The following NPFFR1 variants were observed in gnomAD, a reference collection of about 807,000 sequenced individuals.
NPFFR1 encodes G-protein coupled receptor 147.
Under a neutral mutation model 12.7 loss-of-function variants are expected in NPFFR1, and 17 were observed. That is an observed-to-expected ratio of 1.34 (90% CI 0.92 to 2.01). The LOEUF (loss-of-function observed/expected upper bound fraction) is 2.01. Ranked by LOEUF, NPFFR1 falls within the 30% of genes most tolerant of loss-of-function variation. The probability of loss-of-function intolerance (pLI) is 0.00; values close to 1 mark genes in which losing one functional copy is unlikely to be tolerated. For synonymous variants in NPFFR1, 296 were observed against 264.5 expected (o/e 1.12, Z -1.16); for missense variants, 604 against 606.5 (o/e 1.00, Z 0.04).
chr10:70,254,954 C>A lies in NPFFR1; in HGVS notation c.*3G>T. The A allele has an allele frequency of 7.0e-7, 1 of 1,426,814 alleles. No homozygotes were observed. Among genetic ancestry groups the A allele is most frequent in the Admixed American group, 3.0e-5 (1 of 33,728 alleles). The allele number at this position is 1,426,814 out of a possible 1,614,324, so 88.4% of individuals were successfully genotyped here. A position where few individuals can be genotyped will look rare whatever the true frequency, so the allele number is the denominator to read the frequency against. On this transcript the variant is annotated 3_prime_UTR_variant, in exon 4 of 4. Transcript: ENST00000277942. ...GGCAGCGTCCCGCCCTCCCTGGACC[C>A]CCTCAGATATCCCAGGCTGGAATGG... is the stretch of plus-strand genomic sequence containing the variant.
rs747717469 is a variant in NPFFR1 at position 70,266,387 on chromosome 10, C to T, written c.12G>A (p.Glu4=). The change falls in exon 2 of 4, where the codon GAG becomes GAA. Residue 4 remains glutamate (E), a synonymous_variant. Transcript: ENST00000277942. ...AACTGCTGTTGGGAGGCTGGGAGGG[C>T]TCCCCTAGGACCAAAGGAATATATT... MEG[E]PSQPPNSSWP... 1.2e-6 allele frequency: 2 copies of T among 1,611,160 alleles called. No individual in the cohort carries two copies. The highest frequency in any genetic ancestry group is 1.7e-6 in the Non-Finnish European group (2 of 1,178,492).
intron 1 of NPFFR1, among the ~76,000 whole-genome samples, chr10:70,282,430 G>T (rs1247644173): frequency 6.6e-6 from 1 of 152,174 alleles, no homozygotes; most frequent in Non-Finnish European, 1.5e-5. Context: ...CAATCTTCCA[G>T]ATTCCTCTTG....
chr10:70,279,965 T>A (rs1840843117), intron 1 of NPFFR1, among the ~76,000 whole-genome samples: 1 of 152,226 alleles, frequency 6.6e-6, no homozygotes, highest in Non-Finnish European at 1.5e-5. Flanking sequence ...AATATATAAG[T>A]GAGAACATGT....
In NPFFR1 at chr10:70,283,822, C is replaced by T; in HGVS notation, c.-146G>A. 1 of 837,846 alleles carries T rather than the reference C, an allele frequency of 1.2e-6. No homozygotes were observed. The highest frequency in any genetic ancestry group is 2.8e-5 in the East Asian group (1 of 35,680). 51.9% of individuals were successfully genotyped at this position (837,846 alleles called of 1,614,324 possible). ...GCTCCGCAGGTCCGGTCGGTCCGGG[C>T]AGAGGTGAGCAGGGGGCGTGCGCTC... On this transcript the variant is annotated 5_prime_UTR_variant, in exon 1 of 4. Coordinates refer to ENST00000277942, the MANE Select transcript of NPFFR1 (RefSeq NM_022146.5).
chr10:70,257,038 A>G (rs1230885009), intron 3 of NPFFR1, among the ~76,000 whole-genome samples: 1 of 152,202 alleles, frequency 6.6e-6, no homozygotes, highest in Non-Finnish European at 1.5e-5. Flanking sequence ...AGGCCAAGGC[A>G]GGAGGATCAC....
intron 1 of NPFFR1, among the ~76,000 whole-genome samples, chr10:70,273,502 G>C (rs1000943948): frequency 6.6e-6 from 1 of 152,186 alleles, no homozygotes; most frequent in Non-Finnish European, 1.5e-5. Context: ...CTCCCAAAAA[G>C]AGCCCTGGAT....
At chr10:70,270,489 A>G (rs113102529) in intron 1 of NPFFR1, among the ~76,000 whole-genome samples, 45 of 152,286 alleles carry the variant, frequency 3.0e-4, no homozygotes, top group African/African-American at 1.0e-3. Context: ...CATTTCCCCC[A>G]CTATCCTTCA....
intron 3 of NPFFR1, among the ~76,000 whole-genome samples, chr10:70,256,216 C>A (rs555730158): frequency 6.6e-6 from 1 of 152,126 alleles, no homozygotes; most frequent in African/African-American, 2.4e-5. Context: ...GTAGCTGGAA[C>A]CACAGGAATG....
At chr10:70,283,600 C>T in intron 1 of NPFFR1, 70 bp downstream of exon 1, 1 of 1,434,870 alleles carries the variant, frequency 7.0e-7, no homozygotes, top group Non-Finnish European at 9.5e-7. Context: ...GCCCTCTCCT[C>T]TCCCTTCGCC....
In NPFFR1 at chr10:70,266,322, G is replaced by A. The variant is rs577304377; in HGVS notation, c.77C>T (p.Pro26Leu). Residue 26 changes from proline (P) to leucine (L), a missense_variant, in exon 2 of 4, where the codon CCG becomes CTG. By Grantham distance (98) the Pro-to-Leu change is moderately conservative. Transcript: ENST00000277942. ...SQNGTNTEAT[P>L]ATNLTFSSYY... ...GGAGGAGAAGGTGAGGTTTGTAGCC[G>A]GGGTGGCCTCAGTGTTAGTCCCATT... 5.1e-5 allele frequency: 83 copies of A among 1,613,542 alleles called. No individual in the cohort carries two copies. The highest frequency in any genetic ancestry group is 6.2e-5 in the Non-Finnish European group (73 of 1,179,772).
rs1365163078 is a variant in NPFFR1 at position 70,252,885 on chromosome 10, G to A, written c.*2072C>T. ...TACTTGGGGAGGCTATGCTAAAGGA[G>A]AAACACACCCCAGAGGAGACACCAG... On this transcript the variant is annotated 3_prime_UTR_variant, in exon 4 of 4. Transcript: ENST00000277942. The A allele has an allele frequency of 2.0e-5, 3 of 152,082 alleles. No homozygotes were observed. The highest frequency in any genetic ancestry group is 7.2e-5 in the African/African-American group (3 of 41,390). The allele number at this position is 152,082 out of a possible 1,614,324, so 9.4% of individuals were successfully genotyped here.
chr10:70,283,144 G>GTA (rs1840879371), intron 1 of NPFFR1, among the ~76,000 whole-genome samples: 1 of 151,800 alleles, frequency 6.6e-6, no homozygotes, highest in Admixed American at 6.6e-5. Flanking sequence ...GTGTGTGTGT[G>GTA]TGTGTGTGTC....
rs991503438 is a variant in NPFFR1 at position 70,251,339 on chromosome 10, C to T, written c.*3618G>A. On this transcript the variant is annotated 3_prime_UTR_variant, in exon 4 of 4. Coordinates refer to ENST00000277942, the MANE Select transcript of NPFFR1 (RefSeq NM_022146.5). ...ATCTTCCTTTGCCAACTTCGCCCTCCATTCCAATGCAGATCAGCTCATGAG... is the reference window on the plus strand; with the variant it reads ...ATCTTCCTTTGCCAACTTCGCCCTCTATTCCAATGCAGATCAGCTCATGAG... The T allele has an allele frequency of 1.3e-5, 2 of 152,442 alleles. No individual in the cohort carries two copies. The highest frequency in any genetic ancestry group is 2.9e-5 in the Non-Finnish European group (2 of 68,180). 9.4% of individuals were successfully genotyped at this position (152,442 alleles called of 1,614,324 possible).
Position 70,266,281 on chromosome 10 carries a change from A to T in NPFFR1, c.118T>A (p.Ser40Thr). Residue 40 changes from serine (S) to threonine (T), a missense_variant, in exon 2 of 4, where the codon TCC (serine) becomes ACC (threonine). Ser to Thr is a moderately conservative substitution (Grantham distance 58). Transcript: ENST00000277942. ...ACAATGAACATGGCCGCCACAGGGG[A>T]GGTGTGCTGATAGTAGGAGGAGAAG... ...LTFSSYYQHT[S>T]PVAAMFIVAY... The T allele has an allele frequency of 2.5e-6, 4 of 1,613,800 alleles. No individual in the cohort carries two copies. The highest frequency in any genetic ancestry group is 3.4e-6 in the Non-Finnish European group (4 of 1,179,836).
chr10:70,262,735 G>A (rs1840646798), intron 2 of NPFFR1, among the ~76,000 whole-genome samples: 1 of 152,118 alleles, frequency 6.6e-6, no homozygotes, highest in Non-Finnish European at 1.5e-5. Context: ...CATACAGATG[G>A]ACAGATATAG....
intron 1 of NPFFR1, among the ~76,000 whole-genome samples, chr10:70,276,211 A>T (rs890597374): frequency 6.6e-6 from 1 of 152,354 alleles, no homozygotes; most frequent in East Asian, 1.9e-4. Context: ...CCAGGCATAC[A>T]GTGGCCAAAG....
chr10:70,282,496 T>C (rs143895101), intron 1 of NPFFR1, among the ~76,000 whole-genome samples: 4 of 152,350 alleles, frequency 2.6e-5, no homozygotes, highest in African/African-American at 9.6e-5. Context: ...CCCTGGCTCA[T>C]TGGAAAACTA....
chr10:70,266,460 T>G, intron 1 of NPFFR1, 69 bp from the exon 2 acceptor site: 1 of 1,271,402 alleles, frequency 7.9e-7, no homozygotes, highest in East Asian at 2.5e-5. Context: ...TCACCACTAA[T>G]GAGACCCTCT....
At chr10:70,279,125 T>C (rs935546982) in intron 1 of NPFFR1, among the ~76,000 whole-genome samples, 21 of 152,180 alleles carry the variant, frequency 1.4e-4, no homozygotes, top group Non-Finnish European at 2.5e-4. Context: ...AATTTAGTTT[T>C]TGTTTTTGCT....
Sources: gnomAD v4.1 joint callset for allele counts (sites outside exome capture counted in the v4.1 genomes callset) on GRCh38, gnomAD v4.1.1 for gene constraint, MANE v1.5 for transcripts, NCBI Gene and HGNC (gene_info 2026-07-23, HGNC 2026-07-21) for gene names.